The following RNLS variants were observed in gnomAD, a reference collection of about 807,000 sequenced individuals.
RNLS encodes the protein renalase, FAD dependent amine oxidase.
Under a neutral mutation model 39.8 loss-of-function variants are expected in RNLS, and 39 were observed. The observed-to-expected ratio is 0.98, with a 90% CI of 0.76 to 1.28. The LOEUF is 1.28. Ranked by LOEUF, RNLS falls within the 50% of genes most tolerant of loss-of-function variation. The probability of loss-of-function intolerance (pLI) is 0.00; values close to 1 mark genes in which losing one functional copy is unlikely to be tolerated. For synonymous variants in RNLS, 147 were observed against 150.7 expected (o/e 0.98, Z 0.18); for missense variants, 410 against 413.3 (o/e 0.99, Z 0.07).
At chr10:88,312,959 T>G (rs1417567213) in intron 6 of RNLS, among the ~76,000 whole-genome samples, 1 of 152,224 alleles carries the variant, frequency 6.6e-6, no homozygotes, top group Non-Finnish European at 1.5e-5. Context: ...TAAGTCTGGA[T>G]GATAACTTAC....
At chr10:88,323,273 GA>G (rs1281804446) in intron 5 of RNLS, among the ~76,000 whole-genome samples, 1 of 151,690 alleles carries the variant, frequency 6.6e-6, no homozygotes, top group Non-Finnish European at 1.5e-5. Context: ...CACAGAATTA[GA>G]AAAAAACAAT....
the RNLS span, among the ~76,000 whole-genome samples, chr10:88,189,510 A>G: frequency 1.3e-5 from 2 of 152,220 alleles, no homozygotes; most frequent in Non-Finnish European, 2.9e-5. Context: ...ACAAAAAAAA[A>G]TAATGAATCA....
intron 4 of RNLS, among the ~76,000 whole-genome samples, chr10:88,390,533 C>CCATAGCA (rs1364195005): frequency 3.3e-5 from 5 of 152,112 alleles, no homozygotes; most frequent in African/African-American, 1.2e-4. Flanking sequence ...TGAGCAGGGA[C>CCATAGCA]CATAGCACAC....
the RNLS span, among the ~76,000 whole-genome samples, chr10:88,235,225 G>A: frequency 1.8e-4 from 23 of 125,278 alleles, no homozygotes; most frequent in Admixed American, 7.3e-4. Context: ...CCGAGATTGC[G>A]CCACTGCACT....
intron 5 of RNLS, among the ~76,000 whole-genome samples, chr10:88,330,070 G>GATATATATATATATATATATATATATAT (rs59527333): frequency 7.1e-6 from 1 of 140,544 alleles, no homozygotes; most frequent in South Asian, 2.2e-4. Flanking sequence ...TCTGTTTTGA[G>GATATATATATATATATATATATATATAT]ATATATATAT....
chr10:88,266,706 C>T, the RNLS span, among the ~76,000 whole-genome samples: 1 of 139,178 alleles, frequency 7.2e-6, no homozygotes, highest in Non-Finnish European at 1.6e-5. Flanking sequence ...CACACACACA[C>T]ACACACACAC....
chr10:88,552,654 T>C (rs1157114664), intron 4 of RNLS, among the ~76,000 whole-genome samples: 1 of 152,164 alleles, frequency 6.6e-6, no homozygotes, highest in Admixed American at 6.5e-5. Flanking sequence ...TATTATTATA[T>C]AAAGATTTCA....
intron 4 of RNLS, among the ~76,000 whole-genome samples, chr10:88,412,830 T>C (rs1300606549): frequency 1.3e-5 from 2 of 152,208 alleles, no homozygotes; most frequent in Non-Finnish European, 2.9e-5. Context: ...TAAAGGGTAG[T>C]TACCCCTGCC....
chr10:88,570,371 G>A (rs1043759965), intron 4 of RNLS, among the ~76,000 whole-genome samples: 1 of 152,168 alleles, frequency 6.6e-6, no homozygotes, highest in Non-Finnish European at 1.5e-5. Context: ...ATTTTACAGA[G>A]AATGTGAAGA....
chr10:88,338,363 A>C (rs1298785089), intron 5 of RNLS, among the ~76,000 whole-genome samples: 1 of 152,250 alleles, frequency 6.6e-6, no homozygotes, highest in African/African-American at 2.4e-5. Flanking sequence ...AAGAAAAAGC[A>C]CTGCATTATT....
At chr10:88,222,065 G>T in the RNLS span, among the ~76,000 whole-genome samples, 7 of 152,298 alleles carry the variant, frequency 4.6e-5, no homozygotes, top group East Asian at 1.2e-3. Flanking sequence ...TCAGCTGAGG[G>T]GTTGGGTTTT....
chr10:88,183,572 G>GA, the RNLS span, among the ~76,000 whole-genome samples: 2 of 151,976 alleles, frequency 1.3e-5, no homozygotes, highest in Non-Finnish European at 2.9e-5. Flanking sequence ...ATGTTTTACA[G>GA]AAAAAAATCC....
the RNLS span, among the ~76,000 whole-genome samples, chr10:88,268,725 G>C: frequency 6.6e-6 from 1 of 152,198 alleles, no homozygotes; most frequent in African/African-American, 2.4e-5. Flanking sequence ...GGCAGCTCTA[G>C]ACTTGCCCCA....
intron 4 of RNLS, among the ~76,000 whole-genome samples, chr10:88,398,120 C>A (rs1001880017): frequency 6.6e-6 from 1 of 152,018 alleles, no homozygotes; most frequent in South Asian, 2.1e-4. Context: ...ACTGCCATTG[C>A]AAAGACAGTT....
chr10:88,201,303 G>A, the RNLS span, among the ~76,000 whole-genome samples: 14 of 152,260 alleles, frequency 9.2e-5, no homozygotes, highest in East Asian at 1.5e-3. Flanking sequence ...GTGGGTTTTA[G>A]TTCTTCTCTA....
At chr10:88,204,785 T>A in the RNLS span, among the ~76,000 whole-genome samples, 2 of 152,194 alleles carry the variant, frequency 1.3e-5, no homozygotes, top group Non-Finnish European at 2.9e-5. Flanking sequence ...TCTAATCAAC[T>A]TATTTTTCCC....
chr10:88,529,248 G>C (rs1847279689), intron 4 of RNLS, among the ~76,000 whole-genome samples: 1 of 152,162 alleles, frequency 6.6e-6, no homozygotes, highest in African/African-American at 2.4e-5. Context: ...TCTATTTCTA[G>C]AGGAAACCTC....
At chr10:88,191,776 G>A in the RNLS span, among the ~76,000 whole-genome samples, 1 of 152,182 alleles carries the variant, frequency 6.6e-6, no homozygotes, top group African/African-American at 2.4e-5. Context: ...CCAGGAAAGA[G>A]GAGCCCAGCT....
chr10:88,239,650 C>T, the RNLS span, among the ~76,000 whole-genome samples: 1 of 152,252 alleles, frequency 6.6e-6, no homozygotes, highest in African/African-American at 2.4e-5. Flanking sequence ...TGGCCTTCCA[C>T]ATTCTGTAGT....
Sources: allele counts gnomAD v4.1 joint callset (sites outside exome capture counted in the v4.1 genomes callset), GRCh38; gene constraint gnomAD v4.1.1; transcripts MANE v1.5; gene names NCBI Gene and HGNC (gene_info 2026-07-23, HGNC 2026-07-21).